The following TMEM131L variants were observed in gnomAD, a reference collection of about 807,000 sequenced individuals.
The protein encoded by TMEM131L is transmembrane 131 like.
Under a neutral mutation model 192.2 loss-of-function variants are expected in TMEM131L, and 54 were observed. The observed-to-expected ratio is 0.28, with a 90% CI of 0.23 to 0.35. The LOEUF (loss-of-function observed/expected upper bound fraction) is 0.35. Ranked by LOEUF, TMEM131L falls within the 10% of genes least tolerant of loss-of-function variation. The pLI is 1.00. For synonymous variants in TMEM131L, 701 were observed against 704.9 expected, an observed-to-expected ratio of 0.99 and a Z score of 0.09; for missense variants, 1,888 against 1,972.9, an observed-to-expected ratio of 0.96 and a Z score of 0.82.
At chr4:153,545,373 C>T (rs925963508) in intron 3 of TMEM131L, among the ~76,000 whole-genome samples, 11 of 149,754 alleles carry the variant, frequency 7.3e-5, no homozygotes, top group South Asian at 4.2e-4. Flanking sequence ...CTGAAAGCTC[C>T]GCCTCCCGGG....
chr4:153,602,199 G>A lies in TMEM131L; in HGVS notation c.2314G>A (p.Val772Ile). 6.2e-7 allele frequency: 1 copy of A among 1,610,740 alleles called. No homozygotes were observed. The highest frequency in any genetic ancestry group is 2.2e-5 in the East Asian group (1 of 44,806). The change falls in exon 22 of 35, where the codon GTT (valine) becomes ATT (isoleucine). Residue 772 changes from valine to isoleucine, a missense_variant. Transcript: ENST00000409959. ...QILSITKNFK[V>I]ENIGPLPITV... is the part of the protein sequence containing the mutation. ...TTTATCTATTACAAAGAACTTTAAA[G>A]TTGAGAATATTGGACCTCTTCCTAT... is the stretch of plus-strand genomic sequence containing the variant.
chr4:153,545,370 C>T (rs1004413523), intron 3 of TMEM131L, among the ~76,000 whole-genome samples: 2 of 149,652 alleles, frequency 1.3e-5, no homozygotes, highest in Non-Finnish European at 2.9e-5. Context: ...TCACTGAAAG[C>T]TCCGCCTCCC....
intron 28 of TMEM131L, among the ~76,000 whole-genome samples, chr4:153,622,405 A>G (rs2241839): frequency 0.43 from 64,700 of 152,180 alleles, 15,111 homozygotes; most frequent in Non-Finnish European, 0.54. Flanking sequence ...ATGTCCCGAC[A>G]CAGGCCAGCA....
chr4:153,609,504 C>T (rs529672653), intron 25 of TMEM131L, among the ~76,000 whole-genome samples: 2 of 152,144 alleles, frequency 1.3e-5, no homozygotes, highest in African/African-American at 4.8e-5. Flanking sequence ...TTGTAAATGA[C>T]GTATGTGTTT....
chr4:153,580,919 T>A lies in TMEM131L; in HGVS notation c.738+16T>A. On this transcript the variant is annotated intron_variant, in intron 8 of 34. Transcript: ENST00000409959. ...GCAATTAAAGGTAAAATAAAATGTG[T>A]AGTGTTTTCTCTCTGCTTTCCTCCT... The A allele has an allele frequency of 6.5e-7, 1 of 1,533,420 alleles. No homozygotes were observed. The allele number at this position is 1,533,420 out of a possible 1,614,324, so 95.0% of individuals were successfully genotyped here.
intron 3 of TMEM131L, among the ~76,000 whole-genome samples, chr4:153,501,679 C>A (rs1733619244): frequency 6.6e-6 from 1 of 152,094 alleles, no homozygotes. Flanking sequence ...GGATTAGGAC[C>A]AGTTTCATGA....
In TMEM131L at chr4:153,585,292, A is replaced by G. The variant is rs183760113; in HGVS notation, c.1158-166A>G. 2.8e-4 allele frequency among the ~76,000 whole-genome samples: 42 copies of G among 152,242 alleles called. No individual in the cohort carries two copies. In the East Asian group the frequency reaches 7.5e-3, roughly 27 times the overall value. ...CCCCTCGGGCTTCCAGTTGCTCCCT[A>G]TGTGAGCCAGAAGGTTGAAGGAGGC... On this transcript the variant is annotated intron_variant, in intron 12 of 34. Coordinates refer to ENST00000409959, the MANE Select transcript of TMEM131L (RefSeq NM_001131007.2).
intron 3 of TMEM131L, among the ~76,000 whole-genome samples, chr4:153,485,779 A>T (rs1732290282): frequency 6.6e-6 from 1 of 152,244 alleles, no homozygotes; most frequent in East Asian, 1.9e-4. Context: ...ATGTTAATCC[A>T]CTTAATCCAT....
At chr4:153,557,555 A>G (rs1394519617) in intron 6 of TMEM131L, among the ~76,000 whole-genome samples, 1 of 152,210 alleles carries the variant, frequency 6.6e-6, no homozygotes, top group East Asian at 1.9e-4. Context: ...AGGTACCAGG[A>G]AGGGAGCTTG....
At chr4:153,496,797 T>C (rs1405252800) in intron 3 of TMEM131L, among the ~76,000 whole-genome samples, 1 of 150,840 alleles carries the variant, frequency 6.6e-6, no homozygotes, top group Non-Finnish European at 1.5e-5. Flanking sequence ...AGTGATCCAC[T>C]CGCTTTGGCC....
intron 3 of TMEM131L, among the ~76,000 whole-genome samples, chr4:153,525,407 T>C (rs1249317354): frequency 2.0e-5 from 3 of 152,162 alleles, no homozygotes; most frequent in African/African-American, 7.2e-5. Context: ...TGGCGCTATC[T>C]CGGCTCACTG....
chr4:153,540,252 T>G (rs902738613), intron 3 of TMEM131L, among the ~76,000 whole-genome samples: 2 of 152,198 alleles, frequency 1.3e-5, no homozygotes, highest in African/African-American at 2.4e-5. Flanking sequence ...CTCTAGAAAT[T>G]AATTATCTTT....
At chr4:153,619,126 G>A (rs1733208408) in intron 26 of TMEM131L, among the ~76,000 whole-genome samples, 1 of 152,146 alleles carries the variant, frequency 6.6e-6, no homozygotes, top group African/African-American at 2.4e-5. Context: ...GTTCCAACCA[G>A]ATGGATTTGA....
chr4:153,598,301 T>C (rs1279566712), intron 20 of TMEM131L, among the ~76,000 whole-genome samples: 2 of 152,102 alleles, frequency 1.3e-5, no homozygotes, highest in Non-Finnish European at 2.9e-5. Context: ...TAGAAAAATA[T>C]ATGAGGCTAC....
chr4:153,548,232 T>TTCA (rs1737340694), intron 3 of TMEM131L, among the ~76,000 whole-genome samples: 1 of 152,236 alleles, frequency 6.6e-6, no homozygotes, highest in East Asian at 1.9e-4. Context: ...CCGACCGTGT[T>TTCA]CAAAACAAGT....
chr4:153,516,184 A>G (rs979941141), intron 3 of TMEM131L, among the ~76,000 whole-genome samples: 1 of 152,184 alleles, frequency 6.6e-6, no homozygotes, highest in African/African-American at 2.4e-5. Context: ...CCATGTCTAT[A>G]TCTAAGTACA....
At chr4:153,567,451 A>C (rs1392948754) in intron 7 of TMEM131L, among the ~76,000 whole-genome samples, 4 of 151,958 alleles carry the variant, frequency 2.6e-5, no homozygotes, top group Non-Finnish European at 5.9e-5. Context: ...TTTTTGTCCT[A>C]CCTCCAAGAG....
chr4:153,517,994 C>T (rs899673585), intron 3 of TMEM131L, among the ~76,000 whole-genome samples: 2 of 151,938 alleles, frequency 1.3e-5, no homozygotes, highest in African/African-American at 2.4e-5. Flanking sequence ...TTTCTTTATT[C>T]CTTGAACTTA....
In TMEM131L at chr4:153,596,347, T is replaced by C. The variant is rs2150892567; in HGVS notation, c.2085T>C (p.Pro695=). ...AAAGGGTTGGCGTAGTTTTCACACC[T>C]GCTGACTATGGAAAAGTTACCTCAC... is the stretch of plus-strand genomic sequence containing the variant. ...EMKRVGVVFT[P]ADYGKVTSLI... is the part of the protein sequence containing the mutation. Residue 695 remains proline (P), a synonymous_variant, in exon 20 of 35, where the codon CCT becomes CCC. Transcript: ENST00000409959. 6.2e-7 allele frequency: 1 copy of C among 1,613,990 alleles called. No individual in the cohort carries two copies. The highest frequency in any genetic ancestry group is 8.5e-7 in the Non-Finnish European group (1 of 1,179,864).
Sources: gnomAD v4.1 joint callset for allele counts (sites outside exome capture counted in the v4.1 genomes callset) on GRCh38, gnomAD v4.1.1 for gene constraint, MANE v1.5 for transcripts, NCBI Gene and HGNC (gene_info 2026-07-23, HGNC 2026-07-21) for gene names.